Variants in TBC1D5 observed in about 807,000 individuals in gnomAD.
TBC1D5 encodes the protein TBC1 domain family, member 5.
Under a neutral mutation model 100.3 loss-of-function variants are expected in TBC1D5, and 75 were observed. That is an observed-to-expected ratio of 0.75 (90% CI 0.62 to 0.91). TBC1D5 has a LOEUF of 0.91. TBC1D5 is among the 40% of genes least tolerant of loss of function. The pLI is 0.00. For synonymous variants in TBC1D5, 323 were observed against 325.6 expected, an observed-to-expected ratio of 0.99 and a Z score of 0.09; for missense variants, 910 against 942.4, an observed-to-expected ratio of 0.97 and a Z score of 0.45.
At chr3:17,197,380 TTTTTATTAC>T (rs2125735467) in intron 18 of TBC1D5, among the ~76,000 whole-genome samples, 1 of 152,262 alleles carries the variant, frequency 6.6e-6, no homozygotes, top group Non-Finnish European at 1.5e-5. Context: ...TATCTTATTA[TTTTTATTAC>T]TATTTTAGAG....
intron 14 of TBC1D5, among the ~76,000 whole-genome samples, chr3:17,293,251 T>G (rs944372077): frequency 2.0e-5 from 3 of 152,182 alleles, no homozygotes; most frequent in Non-Finnish European, 4.4e-5. Context: ...CCTTTTTTTC[T>G]CCAGAAATTC....
At chr3:17,594,706 T>C (rs2060454699) in intron 2 of TBC1D5, among the ~76,000 whole-genome samples, 1 of 152,200 alleles carries the variant, frequency 6.6e-6, no homozygotes, top group Non-Finnish European at 1.5e-5. Context: ...AGTATTTGGG[T>C]TGGGGATTGG....
chr3:17,554,758 A>T (rs1398157345), intron 2 of TBC1D5, among the ~76,000 whole-genome samples: 1 of 152,070 alleles, frequency 6.6e-6, no homozygotes, highest in Admixed American at 6.6e-5. Context: ...TCTCCCTAAA[A>T]TCTTTCCATG....
At chr3:17,612,403 G>A (rs945734037) in intron 2 of TBC1D5, among the ~76,000 whole-genome samples, 1 of 151,244 alleles carries the variant, frequency 6.6e-6, no homozygotes, top group African/African-American at 2.4e-5. Flanking sequence ...CGAGGCAAGT[G>A]GATCACCGGA....
At chr3:17,336,084 C>T (rs1265993957) in intron 13 of TBC1D5, among the ~76,000 whole-genome samples, 1 of 151,898 alleles carries the variant, frequency 6.6e-6, no homozygotes, top group Non-Finnish European at 1.5e-5. Flanking sequence ...TATTTAATCC[C>T]CTAGTATATT....
At chr3:17,656,231 C>T (rs1464033163) in intron 1 of TBC1D5, among the ~76,000 whole-genome samples, 1 of 152,326 alleles carries the variant, frequency 6.6e-6, no homozygotes, top group East Asian at 1.9e-4. Flanking sequence ...AACAATAAAT[C>T]GGACATTGGG....
intron 18 of TBC1D5, among the ~76,000 whole-genome samples, chr3:17,204,509 C>T (rs954896313): frequency 6.6e-6 from 1 of 152,108 alleles, no homozygotes; most frequent in African/African-American, 2.4e-5. Context: ...TTGAGCTTTC[C>T]CCAAACCATT....
chr3:17,358,447 A>C (rs1422279818), intron 13 of TBC1D5, among the ~76,000 whole-genome samples: 2 of 152,084 alleles, frequency 1.3e-5, no homozygotes, highest in East Asian at 3.9e-4. Flanking sequence ...CGGCCTCCCA[A>C]AGTGCTGGGA....
chr3:17,214,214 T>A, exon 18 of TBC1D5: 1 of 1,610,490 alleles, frequency 6.2e-7, no homozygotes, highest in Non-Finnish European at 8.5e-7. Context: ...TACAGATTCT[T>A]TTCTGCCCAT....
chr3:17,740,045 T>C (rs2077287628), exon 1 of TBC1D5: 1 of 150,506 alleles, frequency 6.6e-6, no homozygotes, highest in Non-Finnish European at 1.5e-5. Flanking sequence ...CCGAGCACAG[T>C]GGCTCACACC....
At chr3:17,454,133 A>C (rs2094993620) in intron 3 of TBC1D5, among the ~76,000 whole-genome samples, 1 of 152,174 alleles carries the variant, frequency 6.6e-6, no homozygotes, top group Non-Finnish European at 1.5e-5. Flanking sequence ...ACATAATAAA[A>C]GCCATATATG....
chr3:17,318,142 C>T (rs949132149), intron 13 of TBC1D5, among the ~76,000 whole-genome samples: 9 of 150,376 alleles, frequency 6.0e-5, no homozygotes, highest in Non-Finnish European at 1.2e-4. Flanking sequence ...AAACCAAACA[C>T]CCCATATTCT....
At chr3:17,348,811 G>A (rs553795571) in intron 13 of TBC1D5, among the ~76,000 whole-genome samples, 2 of 152,100 alleles carry the variant, frequency 1.3e-5, no homozygotes, top group African/African-American at 4.8e-5. Context: ...CATTCTAAGT[G>A]TATTTTTTAT....
exon 17 of TBC1D5, chr3:17,238,212 C>T (rs778973468): frequency 4.3e-6 from 7 of 1,613,902 alleles, no homozygotes; most frequent in Non-Finnish European, 5.9e-6. Flanking sequence ...GCCTCTGCTG[C>T]TGCTGTTGCT....
intron 18 of TBC1D5, among the ~76,000 whole-genome samples, chr3:17,204,079 A>G (rs151166266): frequency 7.8e-4 from 119 of 152,340 alleles, no homozygotes; most frequent in African/African-American, 2.6e-3. Flanking sequence ...AGCCCAGTGG[A>G]TTAAAAATAT....
chr3:17,523,658 C>A (rs1353193939), intron 2 of TBC1D5, among the ~76,000 whole-genome samples: 1 of 152,106 alleles, frequency 6.6e-6, no homozygotes, highest in African/African-American at 2.4e-5. Context: ...AGCTGCAAAA[C>A]AGACATATAA....
At chr3:17,474,613 T>C (rs1452363763) in intron 3 of TBC1D5, among the ~76,000 whole-genome samples, 4 of 152,096 alleles carry the variant, frequency 2.6e-5, no homozygotes, top group Admixed American at 2.6e-4. Context: ...TCAGAAGATA[T>C]ATTTAGACAG....
exon 4 of TBC1D5, chr3:17,428,455 G>T: frequency 1.5e-6 from 2 of 1,366,590 alleles, no homozygotes; most frequent in South Asian, 1.6e-5. Context: ...CCTACCTATA[G>T]GAATTAAAAG....
chr3:17,238,565 A>G (rs1259750527), intron 16 of TBC1D5, 146 bp from the exon 17 acceptor site: 5 of 899,810 alleles, frequency 5.6e-6, no homozygotes, highest in Non-Finnish European at 7.9e-6. Context: ...TGAAAAATTT[A>G]AAGTTACTAC....
Sources: allele counts gnomAD v4.1 joint callset (sites outside exome capture counted in the v4.1 genomes callset), GRCh38; gene constraint gnomAD v4.1.1; transcripts MANE v1.5; gene names NCBI Gene and HGNC (gene_info 2026-07-23, HGNC 2026-07-21).